Variants in FARP1 observed in about 807,000 individuals in gnomAD.
The protein encoded by FARP1 is FERM, ARHGEF and pleckstrin domain-containing protein 1.
FARP1 carries 52 observed loss-of-function variants against 128.8 expected under a neutral mutation model. That is an observed-to-expected ratio of 0.40 (90% CI 0.32 to 0.51). FARP1 has a LOEUF of 0.51. FARP1 is among the 20% of genes least tolerant of loss of function. The pLI, the probability that FARP1 is intolerant of heterozygous loss-of-function variation, is 0.45. For synonymous variants in FARP1, 580 were observed against 551.8 expected (o/e 1.05, Z -0.72); for missense variants, 1,333 against 1,367.9 (o/e 0.97, Z 0.40).
At chr13:98,205,223 T>C (rs185214743) in intron 1 of FARP1, among the ~76,000 whole-genome samples, 1 of 152,344 alleles carries the variant, frequency 6.6e-6, no homozygotes, top group Admixed American at 6.5e-5. Context: ...TAGTTATCCC[T>C]GGAATAGGAT....
chr13:98,153,279 A>G (rs1333524800), intron 1 of FARP1, among the ~76,000 whole-genome samples: 2 of 68,784 alleles, frequency 2.9e-5, no homozygotes, highest in East Asian at 4.3e-4. Flanking sequence ...ACCTTTATAT[A>G]TATATAAAAT....
At chr13:98,272,378 T>G (rs1020316322) in intron 2 of FARP1, among the ~76,000 whole-genome samples, 1 of 152,150 alleles carries the variant, frequency 6.6e-6, no homozygotes, top group African/African-American at 2.4e-5. Context: ...TGCACGCTAA[T>G]GGAAAGCCCA....
intron 21 of FARP1, 135 bp from the exon 22 acceptor site, chr13:98,439,826 C>T: frequency 1.6e-6 from 1 of 642,936 alleles, no homozygotes; most frequent in Non-Finnish European, 2.7e-6. Flanking sequence ...GTGCCTTCTC[C>T]CTCTGTGGGG....
intron 1 of FARP1, among the ~76,000 whole-genome samples, chr13:98,200,217 G>A (rs1399834036): frequency 6.6e-6 from 1 of 152,220 alleles, no homozygotes; most frequent in Admixed American, 6.5e-5. Flanking sequence ...ACATGGCAGA[G>A]TGTCCCTCTT....
At chr13:98,418,240 A>C (rs1315279750) in intron 16 of FARP1, among the ~76,000 whole-genome samples, 3 of 151,302 alleles carry the variant, frequency 2.0e-5, no homozygotes, top group Non-Finnish European at 2.9e-5. Context: ...GCATGAGTAA[A>C]ATTACATGTT....
At chr13:98,368,086 AT>A (rs779309799) in intron 4 of FARP1, 30 bp from the exon 5 acceptor site, 1 of 1,561,920 alleles carries the variant, frequency 6.4e-7, no homozygotes, top group Non-Finnish European at 8.8e-7. Context: ...AAATCAGTAA[AT>A]GCTTTACTTC....
intron 1 of FARP1, among the ~76,000 whole-genome samples, chr13:98,198,460 C>T (rs1189186754): frequency 6.6e-6 from 1 of 152,140 alleles, no homozygotes; most frequent in Non-Finnish European, 1.5e-5. Flanking sequence ...AGGCCAGGCG[C>T]GGTGGCTCAT....
At chr13:98,435,222 G>A (rs768651148) in intron 18 of FARP1, among the ~76,000 whole-genome samples, 2 of 152,050 alleles carry the variant, frequency 1.3e-5, no homozygotes, top group South Asian at 2.1e-4. Flanking sequence ...TGTTCTTTCC[G>A]AGTAACAGGA....
chr13:98,151,909 A>C (rs1594202844), intron 1 of FARP1, among the ~76,000 whole-genome samples: 1 of 151,226 alleles, frequency 6.6e-6, no homozygotes. Flanking sequence ...TGATCTGTCC[A>C]CCTCGGCCTC....
At chr13:98,256,975 A>ATG (rs1883645453) in intron 2 of FARP1, among the ~76,000 whole-genome samples, 1 of 132,634 alleles carries the variant, frequency 7.5e-6, no homozygotes, top group Non-Finnish European at 1.6e-5. Context: ...ATATATATAT[A>ATG]TATATATATA....
chr13:98,395,223 CCA>C lies in FARP1; in HGVS notation c.1165-3_1165-2del. On this transcript the variant is annotated splice_acceptor_variant and splice_polypyrimidine_tract_variant and intron_variant, in intron 12 of 26. Transcript: ENST00000319562. LOFTEE classifies it high-confidence loss of function. Reference sequence around the variant, plus strand: ...CTCCGCACCTTTTTCCCCACCCCACCCAGTCTCAGCAGAGCACCAGCCTTACA... The same window carrying C: ...CTCCGCACCTTTTTCCCCACCCCACCGTCTCAGCAGAGCACCAGCCTTACA... 6.3e-7 allele frequency: 1 copy of C among 1,586,580 alleles called. No homozygotes were observed. The highest frequency in any genetic ancestry group is 8.6e-7 in the Non-Finnish European group (1 of 1,159,042).
intron 2 of FARP1, among the ~76,000 whole-genome samples, chr13:98,330,614 G>C (rs1887464622): frequency 6.6e-6 from 1 of 152,032 alleles, no homozygotes; most frequent in South Asian, 2.1e-4. Flanking sequence ...AATTAGCTGG[G>C]CGTGGTGGCA....
chr13:98,358,305 G>T (rs1335442545), intron 3 of FARP1, among the ~76,000 whole-genome samples: 1 of 152,098 alleles, frequency 6.6e-6, no homozygotes, highest in African/African-American at 2.4e-5. Flanking sequence ...ACTCAAGGCA[G>T]CAGGCTGGGG....
intron 6 of FARP1, among the ~76,000 whole-genome samples, chr13:98,379,619 A>T (rs747584090): frequency 1.3e-5 from 2 of 152,170 alleles, no homozygotes; most frequent in African/African-American, 2.4e-5. Flanking sequence ...TCCCAAGGAC[A>T]CCAAAAACTG....
At chr13:98,435,295 C>T in intron 18 of FARP1, 1 of 236,842 alleles carries the variant, frequency 4.2e-6, no homozygotes, top group Non-Finnish European at 8.1e-6. Flanking sequence ...CCGTGTCTTT[C>T]CCCTCTAAGC....
intron 1 of FARP1, among the ~76,000 whole-genome samples, chr13:98,145,640 G>A (rs1875479597): frequency 6.6e-6 from 1 of 152,144 alleles, no homozygotes; most frequent in African/African-American, 2.4e-5. Context: ...GGAGACCGAG[G>A]CGGATCACTT....
intron 2 of FARP1, among the ~76,000 whole-genome samples, chr13:98,244,276 T>C (rs1271834356): frequency 6.6e-6 from 1 of 152,132 alleles, no homozygotes; most frequent in Admixed American, 6.5e-5. Context: ...TATTGAGATA[T>C]ATCTGGTATA....
chr13:98,182,040 T>C (rs1303223400), intron 1 of FARP1, among the ~76,000 whole-genome samples: 2 of 152,058 alleles, frequency 1.3e-5, no homozygotes, highest in Middle Eastern at 3.2e-3. Context: ...TAATTTCTTA[T>C]AAACTATGAG....
Position 98,183,209 on chromosome 13 carries a change from G to A in FARP1, c.-23-30011G>A, listed in dbSNP as rs557483234. Among the ~76,000 whole-genome samples the A allele has an allele frequency of 3.9e-5, 6 of 152,092 alleles. No homozygotes were observed. The South Asian group carries it at 1.2e-3, about 32-fold the overall frequency. On this transcript the variant is annotated intron_variant, in intron 1 of 26. Coordinates refer to ENST00000319562, the MANE Select transcript of FARP1 (RefSeq NM_005766.4). Reference sequence around the variant, plus strand: ...GTAATTTTGAGTGATTTCCTTGTTTGTTCTCTGCCTCTGTTTACAGAAGCT... The same window carrying A: ...GTAATTTTGAGTGATTTCCTTGTTTATTCTCTGCCTCTGTTTACAGAAGCT...
Sources: allele counts gnomAD v4.1 joint callset (sites outside exome capture counted in the v4.1 genomes callset), GRCh38; gene constraint gnomAD v4.1.1; transcripts MANE v1.5; gene names NCBI Gene and HGNC (gene_info 2026-07-23, HGNC 2026-07-21).